Variants in TNIK observed in about 807,000 individuals in gnomAD.
TNIK encodes the protein TRAF2 and NCK interacting kinase, also known as TRAF2 and NCK-interacting protein kinase.
Under a neutral mutation model 191.3 loss-of-function variants are expected in TNIK, and 49 were observed. The observed-to-expected ratio is 0.26, with a 90% confidence interval of 0.20 to 0.32. The LOEUF is 0.32. Ranked by LOEUF, TNIK falls within the 10% of genes least tolerant of loss-of-function variation. The pLI, the probability that TNIK is intolerant of heterozygous loss-of-function variation, is 1.00. For missense variants in TNIK, 1,155 were observed against 1,702.3 expected (o/e 0.68, Z 5.66); for synonymous variants, 594 against 600.9 (o/e 0.99, Z 0.17).
At chr3:171,264,101 CACACACACACATAT>C (rs1434175046) in intron 2 of TNIK, among the ~76,000 whole-genome samples, 167 of 78,432 alleles carry the variant, frequency 2.1e-3, no homozygotes, top group African/African-American at 1.0e-2. Flanking sequence ...CACACACACA[CACACACACACATAT>C]ATATATATAT....
At chr3:171,088,814 G>A (rs1369862593) in intron 23 of TNIK, among the ~76,000 whole-genome samples, 1 of 152,176 alleles carries the variant, frequency 6.6e-6, no homozygotes, top group Admixed American at 6.5e-5. Context: ...GGCTCATTGA[G>A]GATTCTTAGA....
chr3:171,184,716 A>G (rs1471405785), intron 7 of TNIK, among the ~76,000 whole-genome samples: 1 of 152,216 alleles, frequency 6.6e-6, no homozygotes, highest in African/African-American at 2.4e-5. Context: ...CTCTACCACT[A>G]GTTAGGTTGC....
rs28565144 is a variant in TNIK at position 171,229,333 on chromosome 3, A to T, written c.124-1112T>A. ...TAAAGGCAAGGACCATGTCTCATCG[A>T]TGTATTTCCAGTACCTGGAATAGTA... On this transcript the variant is annotated intron_variant, in intron 2 of 32. Coordinates refer to ENST00000436636, the MANE Select transcript of TNIK (RefSeq NM_015028.4). Among the ~76,000 whole-genome samples the T allele has an allele frequency of 5.8e-3, 881 of 152,304 alleles. 11 individuals are homozygous for T. The highest frequency in any genetic ancestry group is 0.019 in the African/African-American group (772 of 41,558).
At chr3:171,223,806 CACTTT>C (rs746428327) in intron 3 of TNIK, among the ~76,000 whole-genome samples, 18 of 152,196 alleles carry the variant, frequency 1.2e-4, no homozygotes, top group African/African-American at 1.9e-4. Context: ...ATTAGAGAAA[CACTTT>C]ACTTAAGGAC....
At chr3:171,129,774 A>G (rs1238198556) in intron 15 of TNIK, among the ~76,000 whole-genome samples, 2 of 152,210 alleles carry the variant, frequency 1.3e-5, no homozygotes, top group African/African-American at 4.8e-5. Context: ...GGTCATCATT[A>G]CCTTTAGTAC....
rs1298377114 is a variant in TNIK, at chr3:171,380,042, CA to C, written c.58-10358del. Among the ~76,000 whole-genome samples, 4 of 151,812 alleles carry C rather than the reference CA, an allele frequency of 2.6e-5. No individual in the cohort carries two copies. The East Asian group carries it at 7.8e-4, about 29-fold the overall frequency. On this transcript the variant is annotated intron_variant, in intron 1 of 32. Coordinates refer to ENST00000436636, the MANE Select transcript of TNIK (RefSeq NM_015028.4). Reference sequence around the variant, plus strand: ...ACACACACACGCGCACACACACACACACACACACACACACACGCAAGTTGCT... The same window carrying C: ...ACACACACACGCGCACACACACACACCACACACACACACACGCAAGTTGCT...
intron 29 of TNIK, among the ~76,000 whole-genome samples, chr3:171,070,473 C>G (rs114683582): frequency 0.021 from 3,131 of 151,766 alleles, 68 homozygotes; most frequent in Non-Finnish European, 0.025. Context: ...AGAGAGAGAT[C>G]AGAGAGAGAG....
chr3:171,369,746 A>T (rs1305755042), intron 1 of TNIK, 61 bp from the exon 2 acceptor site: 4 of 1,333,140 alleles, frequency 3.0e-6, no homozygotes, highest in African/African-American at 1.4e-5. Flanking sequence ...TGCCTTAATC[A>T]AAAGCAAATA....
chr3:171,393,380 G>A (rs1007424880), intron 1 of TNIK, among the ~76,000 whole-genome samples: 2 of 152,194 alleles, frequency 1.3e-5, no homozygotes, highest in African/African-American at 4.8e-5. Flanking sequence ...CCCAGCTGCT[G>A]CAGGAGAGAG....
At chr3:171,282,564 G>A (rs774412347) in intron 2 of TNIK, among the ~76,000 whole-genome samples, 69 of 152,042 alleles carry the variant, frequency 4.5e-4, no homozygotes, top group African/African-American at 1.3e-3. Context: ...GGCTGGTCCC[G>A]AACTCCTGGC....
chr3:171,280,020 A>G (rs1044178221), intron 2 of TNIK, among the ~76,000 whole-genome samples: 9 of 152,180 alleles, frequency 5.9e-5, no homozygotes, highest in African/African-American at 2.2e-4. Context: ...ACAGTTCTAT[A>G]AGTGTGAGCT....
intron 15 of TNIK, among the ~76,000 whole-genome samples, chr3:171,133,789 C>A (rs912196287): frequency 3.3e-5 from 5 of 152,114 alleles, no homozygotes; most frequent in Non-Finnish European, 7.3e-5. Flanking sequence ...AGGTATAGAG[C>A]AGAGAAATCC....
intron 1 of TNIK, among the ~76,000 whole-genome samples, chr3:171,407,506 C>T (rs1721848510): frequency 1.3e-5 from 2 of 152,124 alleles, no homozygotes; most frequent in Admixed American, 1.3e-4. Context: ...GCTCATAGCT[C>T]TTTAAACAGA....
rs144290868 is a variant in TNIK, at chr3:171,436,892, G to A, written c.57+23115C>T. 4.1e-3 allele frequency among the ~76,000 whole-genome samples: 622 copies of A among 152,220 alleles called. 1 individual carries two copies. The highest frequency in any genetic ancestry group is 0.015 in the African/African-American group (604 of 41,522). On this transcript the variant is annotated intron_variant, in intron 1 of 32. Coordinates refer to ENST00000436636, the MANE Select transcript of TNIK (RefSeq NM_015028.4). ...TATCTACCTTTCATCCCCATCCCCA[G>A]CCTCACACAGAGCCAGTGCATTTGC...
At chr3:171,258,011 C>T (rs995325573) in intron 2 of TNIK, among the ~76,000 whole-genome samples, 3 of 152,148 alleles carry the variant, frequency 2.0e-5, no homozygotes, top group Non-Finnish European at 4.4e-5. Flanking sequence ...ACAAACACAT[C>T]ATCTTGTGCT....
chr3:171,330,772 C>A (rs949029990), intron 2 of TNIK, among the ~76,000 whole-genome samples: 3 of 152,156 alleles, frequency 2.0e-5, no homozygotes, highest in Admixed American at 1.3e-4. Flanking sequence ...CCCTTCAGAC[C>A]CTGACCTACC....
intron 1 of TNIK, among the ~76,000 whole-genome samples, chr3:171,412,526 T>G (rs1289540137): frequency 6.6e-6 from 1 of 152,188 alleles, no homozygotes; most frequent in Non-Finnish European, 1.5e-5. Flanking sequence ...GCCCTTATAA[T>G]GTGCCAGGTG....
At chr3:171,080,318 G>C (rs958811098) in intron 27 of TNIK, among the ~76,000 whole-genome samples, 1 of 152,170 alleles carries the variant, frequency 6.6e-6, no homozygotes, top group African/African-American at 2.4e-5. Flanking sequence ...ATTTGCACCA[G>C]ATAAAATGTC....
At chr3:171,282,334 GTTTTTTGTTT>G (rs1750533702) in intron 2 of TNIK, among the ~76,000 whole-genome samples, 1 of 114,524 alleles carries the variant, frequency 8.7e-6, no homozygotes. Context: ...TCTCTTAATG[GTTTTTTGTTT>G]TTTTTTTTTT....
Sources: allele counts gnomAD v4.1 joint callset (sites outside exome capture counted in the v4.1 genomes callset), GRCh38; gene constraint gnomAD v4.1.1; transcripts MANE v1.5; gene names NCBI Gene and HGNC (gene_info 2026-07-23, HGNC 2026-07-21).